The following WBP1L variants were observed in gnomAD, a reference collection of about 807,000 sequenced individuals.
WBP1L encodes the protein WW domain binding protein 1 like, also known as WW domain binding protein 1-like.
WBP1L carries 17 observed loss-of-function variants against 33.7 expected under a neutral mutation model. The ratio of observed to expected loss-of-function variants is 0.50; its 90% confidence interval spans 0.34 to 0.76. The LOEUF is 0.76. Ranked by LOEUF, WBP1L falls within the 30% of genes least tolerant of loss-of-function variation. The probability of loss-of-function intolerance (pLI) is 0.01; values close to 1 mark genes in which losing one functional copy is unlikely to be tolerated. For synonymous variants in WBP1L, 173 were observed against 190.8 expected (o/e 0.91, Z 0.77); for missense variants, 389 against 469.4 (o/e 0.83, Z 1.58).
chr10:102,801,275 T>G (rs1843654329), intron 2 of WBP1L, among the ~76,000 whole-genome samples: 1 of 152,212 alleles, frequency 6.6e-6, no homozygotes, highest in Non-Finnish European at 1.5e-5. Context: ...TTACGGCACC[T>G]GTACTTTAAT....
chr10:102,752,841 G>T (rs761685866), intron 1 of WBP1L, among the ~76,000 whole-genome samples: 7 of 152,206 alleles, frequency 4.6e-5, no homozygotes, highest in Non-Finnish European at 7.3e-5. Context: ...CTGGACCTCA[G>T]GGTGGCTGTG....
chr10:102,746,412 C>G (rs1564751154), intron 1 of WBP1L, among the ~76,000 whole-genome samples: 1 of 152,018 alleles, frequency 6.6e-6, no homozygotes, highest in Non-Finnish European at 1.5e-5. Context: ...CTAACCAGCC[C>G]CCACATACCC....
At chr10:102,751,060 G>A (rs1182421315) in intron 1 of WBP1L, among the ~76,000 whole-genome samples, 1 of 151,902 alleles carries the variant, frequency 6.6e-6, no homozygotes, top group Non-Finnish European at 1.5e-5. Flanking sequence ...GAGTGCAGTG[G>A]TGTGATCTTG....
chr10:102,809,798 C>T lies in WBP1L; in HGVS notation c.194-95C>T, dbSNP rs192536455. The stretch of plus-strand genomic sequence containing the variant: ...GGCCCAGCCATGCCAGCTTCAACCA[C>T]GTGGGCACCGTCCAGGGACCTCCCT... On this transcript the variant is annotated intron_variant, in intron 2 of 3. Coordinates refer to ENST00000448841, the MANE Select transcript of WBP1L (RefSeq NM_001083913.2). The T allele has an allele frequency of 1.3e-3, 1,787 of 1,412,102 alleles. 1 individual carries two copies. Among genetic ancestry groups the T allele is most frequent in the Non-Finnish European group, 1.5e-3 (1,581 of 1,047,544 alleles). The allele number at this position is 1,412,102 out of a possible 1,614,324, so 87.5% of individuals were successfully genotyped here.
intron 1 of WBP1L, among the ~76,000 whole-genome samples, chr10:102,777,162 C>T (rs115243783): frequency 9.0e-4 from 137 of 152,282 alleles, no homozygotes; most frequent in African/African-American, 3.2e-3. Flanking sequence ...TGTTCCAGGG[C>T]TTCTGAGAGT....
intron 1 of WBP1L, among the ~76,000 whole-genome samples, chr10:102,794,811 A>C (rs978973383): frequency 2.1e-4 from 32 of 152,200 alleles, no homozygotes; most frequent in Non-Finnish European, 4.3e-4. Flanking sequence ...TGGGTTTTCC[A>C]TACCACTATT....
chr10:102,760,838 A>G lies in WBP1L; in HGVS notation c.90+16695A>G, dbSNP rs540660046. Among the ~76,000 whole-genome samples, 3 of 152,252 alleles carry G rather than the reference A, an allele frequency of 2.0e-5. No homozygotes were observed. The South Asian group carries it at 6.2e-4, about 32-fold the overall frequency. On this transcript the variant is annotated intron_variant, in intron 1 of 3. Transcript: ENST00000448841. ...GAACAGTCACACAGTTAGGACATCTATATGAATCTTTTATCCAATATATAA... is the reference window on the plus strand; with the variant it reads ...GAACAGTCACACAGTTAGGACATCTGTATGAATCTTTTATCCAATATATAA...
At chr10:102,799,873 T>C (rs1843629892) in intron 2 of WBP1L, among the ~76,000 whole-genome samples, 2 of 152,176 alleles carry the variant, frequency 1.3e-5, no homozygotes, top group South Asian at 4.1e-4. Flanking sequence ...AATGCAGTTG[T>C]ATTTGTAGCC....
intron 1 of WBP1L, 109 bp downstream of exon 1, chr10:102,744,252 G>A (rs1275427337): frequency 9.2e-6 from 12 of 1,305,036 alleles, no homozygotes; most frequent in East Asian, 2.8e-5. Context: ...TCCCGAGAGG[G>A]GCGTCTATGC....
At chr10:102,788,806 G>C (rs1233824399) in intron 1 of WBP1L, among the ~76,000 whole-genome samples, 1 of 152,084 alleles carries the variant, frequency 6.6e-6, no homozygotes, top group Non-Finnish European at 1.5e-5. Context: ...GGCTGGGGGG[G>C]ATAAATAAAG....
chr10:102,779,161 G>A (rs1266958608), intron 1 of WBP1L, among the ~76,000 whole-genome samples: 1 of 151,784 alleles, frequency 6.6e-6, no homozygotes, highest in African/African-American at 2.4e-5. Context: ...GAGATAAAAT[G>A]CTGCTTACCC....
intron 1 of WBP1L, among the ~76,000 whole-genome samples, chr10:102,791,693 CA>C (rs1198514721): frequency 6.6e-6 from 1 of 152,148 alleles, no homozygotes; most frequent in Non-Finnish European, 1.5e-5. Context: ...GGTGATGCTC[CA>C]AATTAATTCA....
intron 2 of WBP1L, among the ~76,000 whole-genome samples, chr10:102,805,062 A>G (rs1843711185): frequency 6.6e-6 from 1 of 152,034 alleles, no homozygotes. Context: ...TGGGAGGATT[A>G]CTTGAAGCCA....
chr10:102,775,649 C>A (rs529200051), intron 1 of WBP1L, among the ~76,000 whole-genome samples: 10 of 152,160 alleles, frequency 6.6e-5, no homozygotes, highest in Non-Finnish European at 1.2e-4. Context: ...TCCAAGGTAG[C>A]GTGTCGTACC....
In WBP1L at chr10:102,814,396, C is replaced by A. The variant is rs544370375; in HGVS notation, c.*1065C>A. 6.6e-6 allele frequency: 1 copy of A among 152,664 alleles called. No individual in the cohort carries two copies. Among genetic ancestry groups the A allele is most frequent in the African/African-American group, 2.4e-5 (1 of 41,548 alleles). 9.5% of individuals were successfully genotyped at this position (152,664 alleles called of 1,614,324 possible). On this transcript the variant is annotated 3_prime_UTR_variant, in exon 4 of 4. Coordinates refer to ENST00000448841, the MANE Select transcript of WBP1L (RefSeq NM_001083913.2). ...CTGTTCCGTATGAGGAAACAGACAG[C>A]GGACTGAGGAAGCGATGGCCCCAGA...
At chr10:102,746,997 G>A (rs950988567) in intron 1 of WBP1L, among the ~76,000 whole-genome samples, 50 of 152,126 alleles carry the variant, frequency 3.3e-4, no homozygotes, top group Admixed American at 1.8e-3. Context: ...TCATTCTGTG[G>A]TTAGGAACTT....
chr10:102,746,040 C>A, intron 1 of WBP1L: 1 of 583,980 alleles, frequency 1.7e-6, no homozygotes, highest in Non-Finnish European at 2.2e-6. Flanking sequence ...CAATAAATAA[C>A]ATCGGTAGAG....
intron 2 of WBP1L, among the ~76,000 whole-genome samples, chr10:102,809,361 A>G (rs548762278): frequency 6.7e-6 from 1 of 150,170 alleles, no homozygotes; most frequent in African/African-American, 2.5e-5. Context: ...TACAGGCATG[A>G]GCCACTGCAC....
At chr10:102,776,754 C>T (rs1386417488) in intron 1 of WBP1L, among the ~76,000 whole-genome samples, 1 of 152,176 alleles carries the variant, frequency 6.6e-6, no homozygotes, top group Admixed American at 6.5e-5. Context: ...GATTCTTGCT[C>T]CAAACCCCTT....
Sources: allele counts gnomAD v4.1 joint callset (sites outside exome capture counted in the v4.1 genomes callset), GRCh38; gene constraint gnomAD v4.1.1; transcripts MANE v1.5; gene names NCBI Gene and HGNC (gene_info 2026-07-23, HGNC 2026-07-21).